Variants in SYCE1 observed in about 807,000 individuals in gnomAD.
SYCE1 encodes cancer/testis antigen 76.
SYCE1 carries 37 observed loss-of-function variants against 55.1 expected under a neutral mutation model. That is an observed-to-expected ratio of 0.67 (90% CI 0.52 to 0.88). The LOEUF is 0.88. Among genes scored for constraint, SYCE1 ranks in the 40% least tolerant of loss-of-function variants. The pLI is 0.00. For synonymous variants in SYCE1, 163 were observed against 159.4 expected (o/e 1.02, Z -0.17); for missense variants, 399 against 416.4 (o/e 0.96, Z 0.36).
In SYCE1 at chr10:133,555,039, G is replaced by C. The variant is rs9629997; in HGVS notation, c.1009C>G (p.Pro337Ala). Residue 337 changes from proline to alanine, a missense_variant, in exon 13 of 13, where the codon CCC becomes GCC. Pro to Ala is a conservative substitution (Grantham distance 27). Transcript: ENST00000343131. ...VLIGQEDTLH[P>A]DLSPRGFQEI... The stretch of plus-strand genomic sequence containing the variant: ...TGAAAGCCCCTTGGGCTAAGGTCGG[G>C]GTGGAGTGTGTCCTCCTGGCCTATG... 3,782 of 1,551,038 alleles carry C rather than the reference G, an allele frequency of 2.4e-3. No homozygotes were observed. In the African/African-American group the frequency reaches 0.045, roughly 19 times the overall value.
intron 4 of SYCE1, 114 bp downstream of exon 4, chr10:133,558,763 C>T: frequency 3.0e-6 from 3 of 1,011,604 alleles, no homozygotes; most frequent in Non-Finnish European, 4.5e-6. Context: ...GGACATGAGG[C>T]TAGAGAGGGT....
Position 133,555,721 on chromosome 10 carries a change from T to TA in SYCE1, c.720-15dup. On this transcript the variant is annotated splice_polypyrimidine_tract_variant and intron_variant, in intron 10 of 12. Transcript: ENST00000343131. ...TGAAACAGCTGCCTGGGGGGCCCAG[T>TA]AGGGGGTGGTCAGCACCGGCCACTC... is the stretch of plus-strand genomic sequence containing the variant. 1 of 1,607,114 alleles carries TA rather than the reference T, an allele frequency of 6.2e-7. No homozygotes were observed. The highest frequency in any genetic ancestry group is 8.5e-7 in the Non-Finnish European group (1 of 1,179,888).
At chr10:133,562,852 C>A in intron 1 of SYCE1, among the ~76,000 whole-genome samples, 1 of 152,184 alleles carries the variant, frequency 6.6e-6, no homozygotes, top group Non-Finnish European at 1.5e-5. Flanking sequence ...TAGGTAGTCA[C>A]TATCTAAATA....
intron 8 of SYCE1, 54 bp from the exon 9 acceptor site, chr10:133,556,101 AAAG>A: frequency 6.3e-7 from 1 of 1,594,408 alleles, no homozygotes; most frequent in Non-Finnish European, 8.5e-7. Context: ...CCCATGCCTC[AAAG>A]AAGGCTATCT....
At chr10:133,564,251 G>A in intron 1 of SYCE1, 2 of 326,664 alleles carry the variant, frequency 6.1e-6, no homozygotes, top group Non-Finnish European at 4.4e-6. Flanking sequence ...ACAATGAGAA[G>A]ACAGAAGTCT....
chr10:133,558,333 C>G (rs1564856744), intron 4 of SYCE1, 119 bp from the exon 5 acceptor site: 1 of 1,130,382 alleles, frequency 8.8e-7, no homozygotes, highest in Non-Finnish European at 1.3e-6. Flanking sequence ...AAATGTGAAC[C>G]CTTGAGGTGA....
chr10:133,565,410 C>G, intron 1 of SYCE1, 47 bp downstream of exon 1: 1 of 1,468,152 alleles, frequency 6.8e-7, no homozygotes, highest in East Asian at 2.8e-5. Context: ...TGCCCCGCCT[C>G]GGCGAGGTCA....
chr10:133,557,929 A>G lies in SYCE1; in HGVS notation c.320-11T>C, dbSNP rs199933771. ...GGATCCTCAGGGTCTCTGTAGGGAG[A>G]GCAACAGGGCCCTATGAGAACCTGT... On this transcript the variant is annotated splice_polypyrimidine_tract_variant and intron_variant, in intron 5 of 12. Coordinates refer to ENST00000343131, the MANE Select transcript of SYCE1 (RefSeq NM_001143764.3). 4 of 1,613,890 alleles carry G rather than the reference A, an allele frequency of 2.5e-6. No individual in the cohort carries two copies. In the East Asian group the frequency reaches 8.9e-5, roughly 36 times the overall value.
intron 1 of SYCE1, among the ~76,000 whole-genome samples, chr10:133,564,220 C>A (rs538195134): frequency 5.9e-5 from 9 of 152,230 alleles, no homozygotes; most frequent in African/African-American, 2.2e-4. Context: ...AGGTCTGCAG[C>A]AACTTCCCCA....
chr10:133,556,014 G>C lies in SYCE1; in HGVS notation c.562C>G (p.Leu188Val). ...PERLAKEICALDSSKEQLLKE... is the reference protein window; with the variant it reads ...PERLAKEICAVDSSKEQLLKE... ...AGCAGCTGCTCCTTGCTGCTGTCCAGGGCACAAATCTCCTTTGCCAGCCGC... is the reference window on the plus strand; with the variant it reads ...AGCAGCTGCTCCTTGCTGCTGTCCACGGCACAAATCTCCTTTGCCAGCCGC... The change falls in exon 9 of 13, where the codon CTG becomes GTG. Residue 188 changes from leucine to valine, a missense_variant. Transcript: ENST00000343131. The C allele has an allele frequency of 6.2e-7, 1 of 1,614,124 alleles. No individual in the cohort carries two copies. The highest frequency in any genetic ancestry group is 8.5e-7 in the Non-Finnish European group (1 of 1,180,020).
chr10:133,554,141 G>A (rs974682704), downstream of SYCE1: 36 of 594,076 alleles, frequency 6.1e-5, no homozygotes, highest in Non-Finnish European at 1.5e-5. Context: ...TAAAAGTCAT[G>A]TTTGATAGTA....
chr10:133,559,074 G>C (rs762905846), intron 3 of SYCE1, 123 bp from the exon 4 acceptor site: 4 of 1,098,818 alleles, frequency 3.6e-6, no homozygotes, highest in South Asian at 1.6e-5. Flanking sequence ...TAGGAAACGA[G>C]GCTTCCAGCT....
In SYCE1 at chr10:133,555,606, T is replaced by C. The variant is rs1301322122; in HGVS notation, c.821A>G (p.Lys274Arg). The C allele has an allele frequency of 6.2e-7, 1 of 1,605,634 alleles. No homozygotes were observed. The highest frequency in any genetic ancestry group is 1.1e-5 in the South Asian group (1 of 90,986). ...LQQKCQQQQQKRQRLKEELEK... is the reference protein window; with the variant it reads ...LQQKCQQQQQRRQRLKEELEK... ...GGGCCTCCACACGCACCTCTGCCGCTTCTGCTGCTGTTGTTGGCACTTCTG... is the reference window on the plus strand; with the variant it reads ...GGGCCTCCACACGCACCTCTGCCGCCTCTGCTGCTGTTGTTGGCACTTCTG... The change falls in exon 11 of 13, where the codon AAG becomes AGG. Residue 274 changes from lysine to arginine, a missense_variant. Coordinates refer to ENST00000343131, the MANE Select transcript of SYCE1 (RefSeq NM_001143764.3).
At chr10:133,557,547 T>C (rs578054847) in intron 6 of SYCE1, 3 of 501,354 alleles carry the variant, frequency 6.0e-6, no homozygotes, top group African/African-American at 3.8e-5. Flanking sequence ...GGACAAATGG[T>C]TGGCTCAATG....
chr10:133,559,065 A>T, intron 3 of SYCE1, 114 bp from the exon 4 acceptor site: 1 of 1,150,750 alleles, frequency 8.7e-7, no homozygotes, highest in Non-Finnish European at 1.2e-6. Flanking sequence ...TTTATAGAGT[A>T]GGAAACGAGG....
At position 133,555,002 on chromosome 10, in the gene SYCE1, T is replaced by A. The variant is rs1851618862; in HGVS notation, c.1046A>T (p.Glu349Val). 1 of 1,547,706 alleles carries A rather than the reference T, an allele frequency of 6.5e-7. No individual in the cohort carries two copies. The highest frequency in any genetic ancestry group is 8.7e-7 in the Non-Finnish European group (1 of 1,145,464). Residue 349 changes from glutamate (E) to valine (V), a missense_variant, in exon 13 of 13, where the codon GAG becomes GTG. Physicochemically the swap from Glu to Val is moderately radical, Grantham distance 121. Coordinates refer to ENST00000343131, the MANE Select transcript of SYCE1 (RefSeq NM_001143764.3). The stretch of plus-strand genomic sequence containing the variant: ...GTAGACTTAGCTGTATCAAAATAGC[T>A]CCTTTATTTCCTGAAAGCCCCTTGG... ...LSPRGFQEIK[E>V]LF
chr10:133,560,729 T>C (rs1205421160), intron 1 of SYCE1: 3 of 152,200 alleles, frequency 2.0e-5, no homozygotes, highest in Admixed American at 2.0e-4. Context: ...AAATTACTAT[T>C]TATGGCATTA....
At chr10:133,564,684 CAG>C (rs1851885110) in intron 1 of SYCE1, among the ~76,000 whole-genome samples, 2 of 152,192 alleles carry the variant, frequency 1.3e-5, no homozygotes, top group South Asian at 2.1e-4. Context: ...TTGTTAATTG[CAG>C]AGTTTTAACT....
upstream of SYCE1, among the ~76,000 whole-genome samples, chr10:133,566,711 A>G (rs940972513): frequency 3.4e-5 from 5 of 145,916 alleles, no homozygotes; most frequent in African/African-American, 1.3e-4. Flanking sequence ...GTTTTAGGGT[A>G]GGGGATAGGG....
Sources: allele counts gnomAD v4.1 joint callset (sites outside exome capture counted in the v4.1 genomes callset), GRCh38; gene constraint gnomAD v4.1.1; transcripts MANE v1.5; gene names NCBI Gene and HGNC (gene_info 2026-07-23, HGNC 2026-07-21).